Variants in ATF7IP2 observed in about 807,000 individuals in gnomAD.
The protein encoded by ATF7IP2 is activating transcription factor 7-interacting protein 2.
Under a neutral mutation model 64.2 loss-of-function variants are expected in ATF7IP2, and 42 were observed. That is an observed-to-expected ratio of 0.65 (90% CI 0.51 to 0.85). ATF7IP2 has a LOEUF of 0.85. ATF7IP2 is among the 40% of genes least tolerant of loss of function. The pLI is 0.00. For missense variants in ATF7IP2, 933 were observed against 784.2 expected (o/e 1.19, Z -2.27); for synonymous variants, 308 against 272.8 (o/e 1.13, Z -1.27).
At chr16:10,418,979 C>G (rs1368129863) in intron 2 of ATF7IP2, among the ~76,000 whole-genome samples, 1 of 152,232 alleles carries the variant, frequency 6.6e-6, no homozygotes, top group African/African-American at 2.4e-5. Context: ...ACAATTTGTG[C>G]TAAACATCCC....
intron 12 of ATF7IP2, among the ~76,000 whole-genome samples, chr16:10,474,734 C>T (rs13335566): frequency 0.04 from 6,159 of 152,198 alleles, 448 homozygotes; most frequent in African/African-American, 0.14. Flanking sequence ...CAAGACATAA[C>T]ATAGTCAAGT....
intron 1 of ATF7IP2, among the ~76,000 whole-genome samples, chr16:10,407,925 T>A (rs1035536482): frequency 2.0e-5 from 3 of 152,068 alleles, no homozygotes; most frequent in African/African-American, 4.8e-5. Context: ...TTCTTTTTTT[T>A]TTTTTTAGAC....
chr16:10,439,049 CA>C (rs755392953), intron 7 of ATF7IP2, among the ~76,000 whole-genome samples: 50 of 102,422 alleles, frequency 4.9e-4, no homozygotes, highest in Middle Eastern at 5.6e-3. Flanking sequence ...GACTCCATCT[CA>C]AAAAAAAAAA....
intron 9 of ATF7IP2, among the ~76,000 whole-genome samples, chr16:10,463,296 G>C (rs926942039): frequency 6.6e-6 from 1 of 152,198 alleles, no homozygotes; most frequent in Non-Finnish European, 1.5e-5. Flanking sequence ...CAGCACCTGT[G>C]ATGGATTTTA....
At position 10,431,062 on chromosome 16, in the gene ATF7IP2, C is replaced by T; in HGVS notation, c.442C>T (p.Gln148Ter). The change falls in exon 5 of 14, where the codon CAG (glutamine) becomes TAG (stop). Residue 148 changes from glutamine to a stop codon, truncating the protein, a stop_gained. Transcript: ENST00000562102. LOFTEE classifies it high-confidence loss of function. Reference protein sequence around the residue: ...LNTSENDSEHQTNVTRSLFEH... With the variant: ...LNTSENDSEH ...CACTTCTGAAAACGATTCTGAGCAT[C>T]AGACAAATGTAACAAGATCCCTTTT... The T allele has an allele frequency of 1.2e-6, 2 of 1,614,132 alleles. No individual in the cohort carries two copies. The highest frequency in any genetic ancestry group is 1.7e-6 in the Non-Finnish European group (2 of 1,180,030).
At chr16:10,419,767 A>G (rs181112043) in intron 3 of ATF7IP2, 144 bp downstream of exon 3, 4 of 152,358 alleles carry the variant, frequency 2.6e-5, no homozygotes, top group East Asian at 1.9e-4. Flanking sequence ...GGCTTTAGGT[A>G]TCTCAGTGGC....
intron 12 of ATF7IP2, among the ~76,000 whole-genome samples, chr16:10,474,214 G>T (rs2049919752): frequency 6.6e-6 from 1 of 152,042 alleles, no homozygotes; most frequent in Non-Finnish European, 1.5e-5. Flanking sequence ...CCCAATCCCT[G>T]GCAGCCACCA....
intron 4 of ATF7IP2, among the ~76,000 whole-genome samples, chr16:10,429,701 T>TTTTAC (rs2048177660): frequency 7.4e-6 from 1 of 135,538 alleles, no homozygotes; most frequent in Non-Finnish European, 1.5e-5. Context: ...GCTGGTTTTA[T>TTTTAC]TTTATTTTAT....
chr16:10,396,385 A>T (rs368330269), intron 1 of ATF7IP2, among the ~76,000 whole-genome samples: 1 of 152,148 alleles, frequency 6.6e-6, no homozygotes, highest in Non-Finnish European at 1.5e-5. Context: ...AGTTTCATAT[A>T]TAATTTTAGT....
At chr16:10,413,673 G>A (rs773420172) in intron 1 of ATF7IP2, among the ~76,000 whole-genome samples, 11 of 152,082 alleles carry the variant, frequency 7.2e-5, no homozygotes, top group Admixed American at 1.3e-4. Context: ...ATGTGTTTCC[G>A]AGATTTGTTT....
chr16:10,417,343 T>C (rs1211175652), intron 2 of ATF7IP2, among the ~76,000 whole-genome samples: 1 of 152,080 alleles, frequency 6.6e-6, no homozygotes, highest in African/African-American at 2.4e-5. Flanking sequence ...AAATGTGTCT[T>C]ACATGGTAAG....
In ATF7IP2 at chr16:10,482,691, G is replaced by T. The variant is rs1424537109; in HGVS notation, c.*442G>T. On this transcript the variant is annotated 3_prime_UTR_variant, in exon 14 of 14. Transcript: ENST00000562102. ...CTCTACTAAGATTTTATGAAAAGAT[G>T]ACATGTTGGGCTGCATGATAAAAGT... The T allele has an allele frequency of 6.5e-6, 1 of 153,046 alleles. No individual in the cohort carries two copies. The highest frequency in any genetic ancestry group is 1.5e-5 in the Non-Finnish European group (1 of 68,462). The allele number at this position is 153,046 out of a possible 1,614,324, so 9.5% of individuals were successfully genotyped here.
chr16:10,438,661 C>A (rs1244506649), intron 7 of ATF7IP2, among the ~76,000 whole-genome samples: 3 of 152,210 alleles, frequency 2.0e-5, no homozygotes, highest in Admixed American at 6.5e-5. Context: ...AATGTGAGAA[C>A]ATATCATAGG....
At chr16:10,395,229 A>G (rs988445887) in intron 1 of ATF7IP2, among the ~76,000 whole-genome samples, 2 of 152,130 alleles carry the variant, frequency 1.3e-5, no homozygotes, top group African/African-American at 4.8e-5. Flanking sequence ...AATAGATGAA[A>G]CAGACAAATT....
chr16:10,428,632 A>G (rs1209513765), intron 3 of ATF7IP2, among the ~76,000 whole-genome samples: 3 of 152,096 alleles, frequency 2.0e-5, no homozygotes, highest in African/African-American at 7.2e-5. Flanking sequence ...TTGTGTTGGG[A>G]ATGTGGTCTC....
chr16:10,434,901 G>C (rs1450531357), intron 6 of ATF7IP2, among the ~76,000 whole-genome samples: 2 of 152,162 alleles, frequency 1.3e-5, no homozygotes, highest in African/African-American at 4.8e-5. Flanking sequence ...GAGTAGTTGG[G>C]ACTACAGGTG....
In ATF7IP2 at chr16:10,481,887, C is replaced by T; in HGVS notation, c.1687C>T (p.Leu563=). 6.2e-7 allele frequency: 1 copy of T among 1,611,934 alleles called. No homozygotes were observed. Residue 563 remains leucine, a synonymous_variant, in exon 14 of 14, where the codon CTA becomes TTA. Transcript: ENST00000562102. ...ACCTCTCCCAGAACCACCAGCACCACTACCTGAATTAGTAGACAAAACCCG... is the reference window on the plus strand; with the variant it reads ...ACCTCTCCCAGAACCACCAGCACCATTACCTGAATTAGTAGACAAAACCCG... ...LPPLPEPPAP[L]PELVDKTRDT...
chr16:10,473,002 C>G (rs2142074721), intron 10 of ATF7IP2, among the ~76,000 whole-genome samples: 1 of 152,140 alleles, frequency 6.6e-6, no homozygotes, highest in Non-Finnish European at 1.5e-5. Context: ...GTATTTGCAT[C>G]TTAATTTTAA....
intron 8 of ATF7IP2, chr16:10,453,983 T>G (rs771400145): frequency 2.0e-5 from 3 of 151,580 alleles, no homozygotes; most frequent in Non-Finnish European, 4.4e-5. Context: ...AAAATCCAAT[T>G]CTTTCGTAGG....
Sources: gnomAD v4.1 joint callset for allele counts (sites outside exome capture counted in the v4.1 genomes callset) on GRCh38, gnomAD v4.1.1 for gene constraint, MANE v1.5 for transcripts, NCBI Gene and HGNC (gene_info 2026-07-23, HGNC 2026-07-21) for gene names.